TRDN: variants seen among roughly 807,000 people sequenced by gnomAD.
TRDN encodes triadin, also known as triadin in skeletal muscle.
Under a neutral mutation model 149.7 loss-of-function variants are expected in TRDN, and 161 were observed. That is an observed-to-expected ratio of 1.08 (90% CI 0.95 to 1.23). TRDN has a LOEUF of 1.23. TRDN is among the 50% of genes most tolerant of loss of function. The probability of loss-of-function intolerance (pLI) is 0.00; values close to 1 mark genes in which losing one functional copy is unlikely to be tolerated. For synonymous variants in TRDN, 294 were observed against 250.5 expected, an observed-to-expected ratio of 1.17 and a Z score of -1.64; for missense variants, 896 against 823.5, an observed-to-expected ratio of 1.09 and a Z score of -1.08.
intron 21 of TRDN, 97 bp downstream of exon 21, chr6:123,352,442 A>G: frequency 6.5e-7 from 1 of 1,534,852 alleles, no homozygotes; most frequent in East Asian, 2.3e-5. Context: ...ATAGACTTAA[A>G]GGTTATTGTC....
At chr6:123,319,208 C>T (rs891692261) in intron 23 of TRDN, among the ~76,000 whole-genome samples, 11 of 151,514 alleles carry the variant, frequency 7.3e-5, no homozygotes, top group African/African-American at 2.7e-4. Context: ...CATGATCTTT[C>T]AAAGTAATTT....
chr6:123,421,102 A>G (rs146638933), intron 12 of TRDN, among the ~76,000 whole-genome samples: 6 of 152,324 alleles, frequency 3.9e-5, no homozygotes, highest in East Asian at 3.9e-4. Flanking sequence ...CTAAAAAGCC[A>G]TTTAAATAAA....
intron 24 of TRDN, among the ~76,000 whole-genome samples, chr6:123,314,743 C>A (rs1778962222): frequency 6.6e-6 from 1 of 152,070 alleles, no homozygotes. Flanking sequence ...AATGCAGGGA[C>A]AGAAAACCAA....
At chr6:123,542,432 A>G (rs9490805) in intron 4 of TRDN, among the ~76,000 whole-genome samples, 37,532 of 152,076 alleles carry the variant, frequency 0.25, 5,088 homozygotes, top group African/African-American at 0.33. Context: ...CTGAATGACT[A>G]CGATTATTCT....
At position 123,290,257 on chromosome 6, in the gene TRDN, C is replaced by T. The variant is rs77261938; in HGVS notation, c.1511-11175G>A. Among the ~76,000 whole-genome samples the T allele has an allele frequency of 7.4e-3, 1,124 of 151,958 alleles. 4 individuals are homozygous for T. The highest frequency in any genetic ancestry group is 0.013 in the Non-Finnish European group (910 of 67,982). ...CAAAATTTAGTCAGGCAGCTGGGTC[C>T]CAATTTTGTAAATAACTTGAATCCA... On this transcript the variant is annotated intron_variant, in intron 24 of 40. Transcript: ENST00000334268.
chr6:123,400,319 C>G (rs898468778), intron 12 of TRDN, among the ~76,000 whole-genome samples: 1 of 151,768 alleles, frequency 6.6e-6, no homozygotes, highest in Non-Finnish European at 1.5e-5. Flanking sequence ...TTTTGACAGT[C>G]CCCAACATTT....
intron 38 of TRDN, among the ~76,000 whole-genome samples, chr6:123,246,790 GAA>G (rs139540215): frequency 2.5e-4 from 35 of 137,858 alleles, no homozygotes; most frequent in Non-Finnish European, 4.1e-4. Context: ...AGACATAACA[GAA>G]AAAAAAAAAA....
intron 38 of TRDN, among the ~76,000 whole-genome samples, chr6:123,230,550 AT>A (rs1775561785): frequency 5.3e-5 from 8 of 151,664 alleles, no homozygotes; most frequent in South Asian, 2.1e-4. Context: ...AATAATAATA[AT>A]AATAAAAAGA....
intron 12 of TRDN, among the ~76,000 whole-genome samples, chr6:123,399,108 C>T (rs557852360): frequency 1.3e-3 from 202 of 152,194 alleles, no homozygotes; most frequent in African/African-American, 4.5e-3. Flanking sequence ...AAAAGACTAT[C>T]GCTTCCATTT....
chr6:123,356,522 T>TATATAC (rs1473871808), intron 20 of TRDN, among the ~76,000 whole-genome samples: 3 of 72,336 alleles, frequency 4.1e-5, no homozygotes, highest in Non-Finnish European at 9.2e-5. Context: ...TATATATATA[T>TATATAC]ATATATATAT....
chr6:123,438,058 A>G lies in TRDN; in HGVS notation c.1051+5T>C, dbSNP rs942312309. On this transcript the variant is annotated splice_donor_5th_base_variant and intron_variant, in intron 12 of 40. Transcript: ENST00000334268. ...CCATCTAAGGAAACAAAGAAAGTGC[A>G]ATACCTTTTTTTTCCACATCAATGG... The G allele has an allele frequency of 6.3e-7, 1 of 1,596,898 alleles. No homozygotes were observed. The highest frequency in any genetic ancestry group is 8.5e-7 in the Non-Finnish European group (1 of 1,172,138).
chr6:123,275,715 T>C (rs12206156), intron 26 of TRDN, among the ~76,000 whole-genome samples: 69,351 of 151,890 alleles, frequency 0.46, 16,691 homozygotes, highest in Admixed American at 0.57. Context: ...AAAGCCTAGA[T>C]TGCTTTGAAG....
chr6:123,252,401 A>C lies in TRDN; in HGVS notation c.1975+11T>G. The C allele has an allele frequency of 6.7e-7, 1 of 1,499,464 alleles. No individual in the cohort carries two copies. Among genetic ancestry groups the C allele is most frequent in the Admixed American group, 1.9e-5 (1 of 52,932 alleles). 92.9% of individuals were successfully genotyped at this position (1,499,464 alleles called of 1,614,324 possible). Reference sequence around the variant, plus strand: ...CAAAGAGAACTTGTCATTAATACAAACCGTACTTACTTGATACTCTTGCAG... The same window carrying C: ...CAAAGAGAACTTGTCATTAATACAACCCGTACTTACTTGATACTCTTGCAG... On this transcript the variant is annotated intron_variant, in intron 38 of 40. Transcript: ENST00000334268.
intron 21 of TRDN, among the ~76,000 whole-genome samples, chr6:123,347,885 A>G (rs1009354715): frequency 6.6e-6 from 1 of 152,118 alleles, no homozygotes; most frequent in African/African-American, 2.4e-5. Context: ...TTTTATTTGG[A>G]GATAGCTCTG....
chr6:123,274,694 A>G, intron 26 of TRDN, 24 bp from the exon 27 acceptor site: 11 of 1,598,460 alleles, frequency 6.9e-6, no homozygotes, highest in Non-Finnish European at 8.5e-6. Flanking sequence ...AAGGCAGAAA[A>G]TTTAAAACCT....
intron 10 of TRDN, chr6:123,457,551 CT>C: frequency 2.3e-6 from 1 of 437,858 alleles, no homozygotes; most frequent in Non-Finnish European, 4.5e-6. Context: ...ATTTCTTTCC[CT>C]TTTCATTTTC....
At chr6:123,586,636 C>A (rs551847447) in intron 1 of TRDN, among the ~76,000 whole-genome samples, 1 of 151,952 alleles carries the variant, frequency 6.6e-6, no homozygotes, top group South Asian at 2.1e-4. Flanking sequence ...TGGGGTCAAG[C>A]GGCATTGCAG....
intron 38 of TRDN, among the ~76,000 whole-genome samples, chr6:123,229,396 T>C (rs1775511499): frequency 6.6e-6 from 1 of 152,050 alleles, no homozygotes; most frequent in South Asian, 2.1e-4. Context: ...ACTGAAGGAC[T>C]TTCTCCTTTG....
At chr6:123,246,183 G>C (rs1776170584) in intron 38 of TRDN, among the ~76,000 whole-genome samples, 1 of 152,022 alleles carries the variant, frequency 6.6e-6, no homozygotes, top group Non-Finnish European at 1.5e-5. Flanking sequence ...AAGAACTAGA[G>C]AAACAAGAGC....
Sources: allele counts gnomAD v4.1 joint callset (sites outside exome capture counted in the v4.1 genomes callset), GRCh38; gene constraint gnomAD v4.1.1; transcripts MANE v1.5; gene names NCBI Gene and HGNC (gene_info 2026-07-23, HGNC 2026-07-21).